The following KSR2 variants were observed in gnomAD, a reference collection of about 807,000 sequenced individuals.
KSR2 encodes the protein kinase suppressor of ras 2.
Under a neutral mutation model 107.8 loss-of-function variants are expected in KSR2, and 25 were observed. The observed-to-expected ratio is 0.23, with a 90% CI of 0.17 to 0.32. KSR2 has a LOEUF of 0.32. Among genes scored for constraint, KSR2 ranks in the 10% least tolerant of loss-of-function variants. KSR2 has a pLI of 1.00. For synonymous variants in KSR2, 480 were observed against 507.0 expected (o/e 0.95, Z 0.71); for missense variants, 887 against 1,268.9 (o/e 0.70, Z 4.57).
At chr12:117,924,444 C>T (rs1301587742) in intron 1 of KSR2, among the ~76,000 whole-genome samples, 2 of 150,186 alleles carry the variant, frequency 1.3e-5, no homozygotes, top group African/African-American at 2.4e-5. Flanking sequence ...TGGTGGCAGG[C>T]GCCTGTAATC....
At chr12:117,938,466 C>A (rs934392309) in intron 1 of KSR2, among the ~76,000 whole-genome samples, 1 of 151,584 alleles carries the variant, frequency 6.6e-6, no homozygotes, top group Non-Finnish European at 1.5e-5. Flanking sequence ...TCAGCCTAGG[C>A]AACATAGAGA....
At chr12:117,674,725 TC>T (rs1885052355) in intron 4 of KSR2, among the ~76,000 whole-genome samples, 1 of 152,230 alleles carries the variant, frequency 6.6e-6, no homozygotes, top group Non-Finnish European at 1.5e-5. Context: ...CACTTTGGAT[TC>T]TTTACAATGT....
At chr12:117,953,281 A>G (rs58100614) in intron 1 of KSR2, among the ~76,000 whole-genome samples, 1 of 152,168 alleles carries the variant, frequency 6.6e-6, no homozygotes, top group Admixed American at 6.5e-5. Flanking sequence ...TTCCTCAAAA[A>G]ATTAAAAATA....
At chr12:117,496,519 G>T (rs921789941) in intron 14 of KSR2, among the ~76,000 whole-genome samples, 1 of 152,096 alleles carries the variant, frequency 6.6e-6, no homozygotes, top group Non-Finnish European at 1.5e-5. Context: ...ATATGAATCT[G>T]CCAGATCAGC....
chr12:117,594,136 C>T (rs1880498871), intron 5 of KSR2, among the ~76,000 whole-genome samples: 1 of 152,170 alleles, frequency 6.6e-6, no homozygotes, highest in African/African-American at 2.4e-5. Context: ...TGATGTTTCT[C>T]ATTATGTAGC....
At chr12:117,640,497 C>T (rs1883307296) in intron 5 of KSR2, among the ~76,000 whole-genome samples, 2 of 152,202 alleles carry the variant, frequency 1.3e-5, no homozygotes, top group Admixed American at 6.5e-5. Flanking sequence ...GTGATCCACT[C>T]GCCTTGGCCT....
In KSR2 at chr12:117,667,479, G is replaced by A. The variant is rs771011316; in HGVS notation, c.1166C>T (p.Ser389Phe). ...TPPVHTEANF[S>F]ANTLSVPRWS... ...AGCCCGGCAGGGTGACTTACTTGCA[G>A]AGAAGTTGGCCTCAGTGTGAACAGG... Residue 389 changes from serine (S) to phenylalanine (F), a missense_variant, in exon 5 of 20, where the codon TCT becomes TTT. By Grantham distance (155) the Ser-to-Phe change is radical. Around this residue, in one of 8 missense-constraint regions of KSR2, gnomAD observed 399 missense variants for 479.5 expected, o/e 0.83. Coordinates refer to ENST00000339824, the MANE Select transcript of KSR2 (RefSeq NM_173598.6). The A allele has an allele frequency of 6.2e-7, 1 of 1,610,366 alleles. No homozygotes were observed. The highest frequency in any genetic ancestry group is 1.7e-5 in the Admixed American group (1 of 59,674).
rs778531044 is a variant in KSR2 at position 117,460,936 on chromosome 12, T to G, written c.*6263A>C. ...TTGTTACTCTGCCTCCTAGACATCC[T>G]GGGCCACCTGACTCAATGGGTCGCT... On this transcript the variant is annotated 3_prime_UTR_variant, in exon 20 of 20. Transcript: ENST00000339824. 1 of 152,290 alleles carries G rather than the reference T, an allele frequency of 6.6e-6. No homozygotes were observed. Among genetic ancestry groups the G allele is most frequent in the Non-Finnish European group, 1.5e-5 (1 of 68,092 alleles). 9.4% of individuals were successfully genotyped at this position (152,290 alleles called of 1,614,324 possible). A position where few individuals can be genotyped will look rare whatever the true frequency, so the allele number is the denominator to read the frequency against.
At chr12:117,802,850 C>G (rs1890881109) in intron 3 of KSR2, among the ~76,000 whole-genome samples, 1 of 152,202 alleles carries the variant, frequency 6.6e-6, no homozygotes, top group African/African-American at 2.4e-5. Context: ...TCTGACAAGA[C>G]AGTGTCATTC....
chr12:117,742,737 C>T (rs1888270486), intron 4 of KSR2, among the ~76,000 whole-genome samples: 2 of 152,114 alleles, frequency 1.3e-5, no homozygotes, highest in African/African-American at 2.4e-5. Flanking sequence ...AGACTTTTCC[C>T]GGCTAAGTAT....
intron 3 of KSR2, among the ~76,000 whole-genome samples, chr12:117,762,783 G>A (rs889116560): frequency 1.4e-4 from 22 of 151,730 alleles, no homozygotes; most frequent in Admixed American, 7.2e-4. Flanking sequence ...AATAAGAATC[G>A]CTTGAACCCA....
At chr12:117,622,189 TA>T (rs1882237471) in intron 5 of KSR2, among the ~76,000 whole-genome samples, 1 of 152,056 alleles carries the variant, frequency 6.6e-6, no homozygotes, top group Admixed American at 6.6e-5. Flanking sequence ...TGCACTTCTA[TA>T]TTTTTTTTTT....
At chr12:117,956,969 C>T (rs1024104844) in intron 1 of KSR2, among the ~76,000 whole-genome samples, 5 of 152,164 alleles carry the variant, frequency 3.3e-5, no homozygotes, top group African/African-American at 7.2e-5. Flanking sequence ...TACTTTGTTT[C>T]TATCAGTCCT....
At chr12:117,827,084 T>C (rs1161751755) in intron 3 of KSR2, among the ~76,000 whole-genome samples, 1 of 151,624 alleles carries the variant, frequency 6.6e-6, no homozygotes, top group Non-Finnish European at 1.5e-5. Context: ...AGCTCTCTTT[T>C]ATAGATGTGT....
chr12:117,454,330 C>T lies in KSR2; in HGVS notation c.*12869G>A, dbSNP rs1870489480. 1 of 152,208 alleles carries T rather than the reference C, an allele frequency of 6.6e-6. No homozygotes were observed. 9.4% of individuals were successfully genotyped at this position (152,208 alleles called of 1,614,324 possible). On this transcript the variant is annotated 3_prime_UTR_variant, in exon 20 of 20. Coordinates refer to ENST00000339824, the MANE Select transcript of KSR2 (RefSeq NM_173598.6). Reference sequence around the variant, plus strand: ...GAGAAAGTGTTGATGAAATCATTATCCACAATAGACAGTGGCTCAAGAAAT... The same window carrying T: ...GAGAAAGTGTTGATGAAATCATTATTCACAATAGACAGTGGCTCAAGAAAT...
intron 1 of KSR2, among the ~76,000 whole-genome samples, chr12:117,883,686 T>C (rs1043390213): frequency 4.0e-5 from 6 of 151,580 alleles, no homozygotes; most frequent in Admixed American, 2.0e-4. Context: ...AAAAGGGAGA[T>C]AAAAAGGAGT....
chr12:117,910,009 T>C (rs1374152102), intron 1 of KSR2, among the ~76,000 whole-genome samples: 2 of 151,798 alleles, frequency 1.3e-5, no homozygotes, highest in African/African-American at 4.8e-5. Context: ...AGGAGGAACA[T>C]TTGAGGCCAG....
chr12:117,875,331 C>CGATTT (rs1893803056), intron 1 of KSR2, among the ~76,000 whole-genome samples: 1 of 103,858 alleles, frequency 9.6e-6, no homozygotes, highest in Non-Finnish European at 1.8e-5. Flanking sequence ...CCCTTAGGTG[C>CGATTT]TATTTTTTTT....
At chr12:117,812,982 C>T (rs1891250726) in intron 3 of KSR2, among the ~76,000 whole-genome samples, 1 of 151,754 alleles carries the variant, frequency 6.6e-6, no homozygotes. Flanking sequence ...ACATCAGACA[C>T]ATAAGCCAAT....
Sources: gnomAD v4.1 joint callset for allele counts (sites outside exome capture counted in the v4.1 genomes callset) on GRCh38, gnomAD v4.1.1 for gene constraint, gnomAD v4.1.1 regional missense constraint, MANE v1.5 for transcripts, NCBI Gene and HGNC (gene_info 2026-07-23, HGNC 2026-07-21) for gene names.